The following ACYP2 variants were observed in gnomAD, a reference collection of about 807,000 sequenced individuals.
ACYP2 encodes the protein acylphosphatase-2.
Under a neutral mutation model 11.2 loss-of-function variants are expected in ACYP2, and 12 were observed. The ratio of observed to expected loss-of-function variants is 1.08; its 90% confidence interval spans 0.69 to 1.74. The LOEUF (loss-of-function observed/expected upper bound fraction) is 1.74. Among genes scored for constraint, ACYP2 ranks in the 40% most tolerant of loss-of-function variants. The pLI, the probability that ACYP2 is intolerant of heterozygous loss-of-function variation, is 0.00. For synonymous variants in ACYP2, 43 were observed against 32.2 expected, an observed-to-expected ratio of 1.33 and a Z score of -1.13; for missense variants, 134 against 101.9, an observed-to-expected ratio of 1.31 and a Z score of -1.35.
At chr2:54,055,906 T>A (rs1449149639) in intron 3 of ACYP2, among the ~76,000 whole-genome samples, 1 of 152,194 alleles carries the variant, frequency 6.6e-6, no homozygotes, top group Non-Finnish European at 1.5e-5. Context: ...CTGTCAGATA[T>A]AGTACCTCCA....
intron 6 of ACYP2, among the ~76,000 whole-genome samples, chr2:54,172,507 G>T (rs751366237): frequency 1.3e-4 from 20 of 152,212 alleles, no homozygotes; most frequent in Non-Finnish European, 2.6e-4. Context: ...ACCCATGGCA[G>T]TGAAGGGTGT....
At chr2:54,268,224 A>G (rs1688124918) in intron 6 of ACYP2, among the ~76,000 whole-genome samples, 1 of 152,208 alleles carries the variant, frequency 6.6e-6, no homozygotes, top group Non-Finnish European at 1.5e-5. Context: ...AAATAGTTCT[A>G]TATTTTGGTT....
chr2:54,174,311 A>T (rs1026699859), intron 6 of ACYP2, among the ~76,000 whole-genome samples: 3 of 152,074 alleles, frequency 2.0e-5, no homozygotes, highest in Admixed American at 6.6e-5. Flanking sequence ...ATGGGAGTTC[A>T]CTCATGATTT....
intron 2 of ACYP2, among the ~76,000 whole-genome samples, chr2:54,020,072 G>T (rs1256189329): frequency 2.0e-5 from 3 of 151,922 alleles, no homozygotes; most frequent in Admixed American, 1.3e-4. Flanking sequence ...GAGTAGCTAG[G>T]ATTATAGGTG....
chr2:54,128,586 A>G, intron 4 of ACYP2, among the ~76,000 whole-genome samples: 1 of 152,082 alleles, frequency 6.6e-6, no homozygotes, highest in Non-Finnish European at 1.5e-5. Context: ...AGAATTGGTT[A>G]AGGCCAAGAG....
At chr2:54,122,945 G>C (rs1007201385) in intron 4 of ACYP2, among the ~76,000 whole-genome samples, 1 of 152,272 alleles carries the variant, frequency 6.6e-6, no homozygotes, top group Admixed American at 6.5e-5. Flanking sequence ...GCAGGTAAGT[G>C]GACTTTATAA....
At chr2:54,145,126 T>C (rs940767844) in intron 6 of ACYP2, among the ~76,000 whole-genome samples, 1 of 152,198 alleles carries the variant, frequency 6.6e-6, no homozygotes, top group Non-Finnish European at 1.5e-5. Flanking sequence ...AATGGGATTC[T>C]GAGTTTGTGT....
At chr2:54,162,946 G>A (rs1016746553) in intron 6 of ACYP2, among the ~76,000 whole-genome samples, 15 of 152,160 alleles carry the variant, frequency 9.9e-5, no homozygotes, top group African/African-American at 2.7e-4. Flanking sequence ...CGTGATCACC[G>A]CACCCCAGTC....
rs150958737 is a variant in ACYP2, at chr2:54,087,100, T to A, written c.277+29740T>A. Among the ~76,000 whole-genome samples the A allele has an allele frequency of 3.0e-3, 451 of 152,364 alleles. 2 individuals carry two copies. Among genetic ancestry groups the A allele is most frequent in the African/African-American group, 0.01 (433 of 41,578 alleles). On this transcript the variant is annotated intron_variant, in intron 4 of 6. Transcript: ENST00000607452. ...CAGCCTTTGCACACACTATTGTGTT[T>A]AAGGTATGGGTAAGAATAGGCCAGT... is the stretch of plus-strand genomic sequence containing the variant.
intron 2 of ACYP2, among the ~76,000 whole-genome samples, chr2:54,028,671 C>T (rs1674424916): frequency 6.6e-6 from 1 of 152,134 alleles, no homozygotes; most frequent in African/African-American, 2.4e-5. Context: ...AGACTTTGTC[C>T]CAGGCCATTG....
At chr2:54,122,272 G>A (rs1000127869) in intron 4 of ACYP2, among the ~76,000 whole-genome samples, 1 of 152,194 alleles carries the variant, frequency 6.6e-6, no homozygotes, top group Non-Finnish European at 1.5e-5. Context: ...ATCAGTGTGT[G>A]TTTGTCAATT....
intron 4 of ACYP2, among the ~76,000 whole-genome samples, chr2:54,118,257 A>G (rs1036283189): frequency 4.6e-5 from 7 of 152,230 alleles, no homozygotes; most frequent in African/African-American, 7.2e-5. Context: ...AACTGCCACA[A>G]TAAGTCACCA....
intron 6 of ACYP2, among the ~76,000 whole-genome samples, chr2:54,204,298 A>ATC (rs1684984336): frequency 6.8e-6 from 1 of 146,704 alleles, no homozygotes; most frequent in Admixed American, 6.8e-5. Context: ...CGGCCATGGG[A>ATC]TTTTTTTTTT....
At chr2:54,165,529 T>TCA (rs1266993483) in intron 6 of ACYP2, among the ~76,000 whole-genome samples, 3,117 of 142,926 alleles carry the variant, frequency 0.022, 30 homozygotes, top group East Asian at 0.06. Context: ...TCTCTCTCTC[T>TCA]CTCTCTCACA....
At chr2:54,256,426 T>C (rs1385499010) in intron 6 of ACYP2, among the ~76,000 whole-genome samples, 2 of 152,208 alleles carry the variant, frequency 1.3e-5, no homozygotes, top group Non-Finnish European at 2.9e-5. Context: ...TCTAATGAGC[T>C]GAGAACCTTC....
intron 6 of ACYP2, among the ~76,000 whole-genome samples, chr2:54,210,620 A>C (rs1044739891): frequency 6.6e-6 from 1 of 152,230 alleles, no homozygotes; most frequent in Non-Finnish European, 1.5e-5. Context: ...TTGATAATAC[A>C]TATCTAACAA....
At chr2:54,053,835 G>A (rs1470445846) in intron 3 of ACYP2, among the ~76,000 whole-genome samples, 1 of 152,130 alleles carries the variant, frequency 6.6e-6, no homozygotes, top group African/African-American at 2.4e-5. Flanking sequence ...AAACATCCCT[G>A]TTTAAATTAC....
intron 4 of ACYP2, among the ~76,000 whole-genome samples, chr2:54,122,222 AG>A (rs1290092830): frequency 6.6e-6 from 1 of 152,206 alleles, no homozygotes. Flanking sequence ...TTACATGAAA[AG>A]GTGTTGACAT....
chr2:54,208,943 A>G (rs1215181155), intron 6 of ACYP2, among the ~76,000 whole-genome samples: 1 of 151,728 alleles, frequency 6.6e-6, no homozygotes, highest in Non-Finnish European at 1.5e-5. Context: ...TTTCTCCTTT[A>G]TTAAAGTATT....
Sources: gnomAD v4.1 joint callset for allele counts (sites outside exome capture counted in the v4.1 genomes callset) on GRCh38, gnomAD v4.1.1 for gene constraint, MANE v1.5 for transcripts, NCBI Gene and HGNC (gene_info 2026-07-23, HGNC 2026-07-21) for gene names.